Variants in CNOT6 observed in about 807,000 individuals in gnomAD.
CNOT6 encodes the protein CCR4-NOT transcription complex subunit 6, also known as carbon catabolite repression 4 protein.
In CNOT6, 12 loss-of-function variants were observed where a neutral mutation model predicts 61.2. The ratio of observed to expected loss-of-function variants is 0.20; its 90% CI spans 0.13 to 0.32. The LOEUF is 0.32. CNOT6 is among the 10% of genes least tolerant of loss of function. The pLI, the probability that CNOT6 is intolerant of heterozygous loss-of-function variation, is 1.00. For synonymous variants in CNOT6, 225 were observed against 240.6 expected (o/e 0.94, Z 0.60); for missense variants, 405 against 663.9 (o/e 0.61, Z 4.28).
chr5:180,498,852 C>T (rs917466142), intron 1 of CNOT6, among the ~76,000 whole-genome samples: 14 of 152,168 alleles, frequency 9.2e-5, no homozygotes, highest in African/African-American at 2.2e-4. Context: ...TGCGGTGGCG[C>T]GATCTCGGCC....
intron 2 of CNOT6, among the ~76,000 whole-genome samples, chr5:180,542,123 C>G (rs1159226514): frequency 6.6e-6 from 1 of 152,140 alleles, no homozygotes; most frequent in Non-Finnish European, 1.5e-5. Flanking sequence ...CCTTAAGAGT[C>G]TCTCGCCATT....
chr5:180,558,533 C>T (rs981142710), intron 4 of CNOT6, among the ~76,000 whole-genome samples: 2 of 149,314 alleles, frequency 1.3e-5, no homozygotes, highest in Admixed American at 6.6e-5. Flanking sequence ...AAAAAACCTG[C>T]TATTGCTTTT....
intron 2 of CNOT6, among the ~76,000 whole-genome samples, chr5:180,531,368 G>A (rs955558042): frequency 1.3e-5 from 2 of 151,040 alleles, no homozygotes; most frequent in Non-Finnish European, 3.0e-5. Flanking sequence ...GGGCAGAGGC[G>A]CTCCTCACAT....
intron 3 of CNOT6, among the ~76,000 whole-genome samples, chr5:180,551,598 A>T (rs979039577): frequency 6.6e-6 from 1 of 152,174 alleles, no homozygotes; most frequent in East Asian, 1.9e-4. Flanking sequence ...AACCAAGTTA[A>T]TATAAAGCTA....
intron 4 of CNOT6, among the ~76,000 whole-genome samples, chr5:180,560,701 A>G (rs1359223203): frequency 6.6e-6 from 1 of 151,840 alleles, no homozygotes; most frequent in Non-Finnish European, 1.5e-5. Flanking sequence ...CTTGCTGTGG[A>G]TTCCTTTGGG....
intron 2 of CNOT6, among the ~76,000 whole-genome samples, chr5:180,531,534 C>T (rs1410709694): frequency 1.4e-5 from 2 of 144,906 alleles, no homozygotes; most frequent in Non-Finnish European, 3.1e-5. Context: ...CCTCACATCC[C>T]AGACGATGGG....
At chr5:180,549,845 TA>T in intron 2 of CNOT6, 85 bp from the exon 3 acceptor site, 2 of 1,044,106 alleles carry the variant, frequency 1.9e-6, no homozygotes, top group Non-Finnish European at 2.8e-6. Flanking sequence ...AAGTTACTCA[TA>T]AAAACATCTA....
At chr5:180,568,051 T>C in intron 9 of CNOT6, 48 bp downstream of exon 9, 3 of 1,515,640 alleles carry the variant, frequency 2.0e-6, no homozygotes, top group Non-Finnish European at 2.7e-6. Context: ...TGACTAGACA[T>C]CTTCAAAAGA....
intron 11 of CNOT6, among the ~76,000 whole-genome samples, chr5:180,571,928 G>A: frequency 6.6e-6 from 1 of 150,888 alleles, no homozygotes; most frequent in Non-Finnish European, 1.5e-5. Context: ...TTACTTTGTA[G>A]ATATTTATTC....
intron 4 of CNOT6, among the ~76,000 whole-genome samples, chr5:180,562,285 A>G (rs891757196): frequency 6.6e-6 from 1 of 152,168 alleles, no homozygotes; most frequent in Admixed American, 6.5e-5. Context: ...AATAGGGAAA[A>G]GTGTTTTTAC....
chr5:180,514,095 T>C (rs910248071), intron 1 of CNOT6, among the ~76,000 whole-genome samples: 10 of 152,072 alleles, frequency 6.6e-5, no homozygotes, highest in African/African-American at 2.4e-4. Flanking sequence ...CCAAATGTGC[T>C]GGGATTACAG....
At chr5:180,527,765 C>G (rs989369428) in intron 1 of CNOT6, among the ~76,000 whole-genome samples, 2 of 152,174 alleles carry the variant, frequency 1.3e-5, no homozygotes, top group Non-Finnish European at 2.9e-5. Context: ...GTTCTCAACC[C>G]TGGTACTCGT....
chr5:180,568,866 A>G (rs1219332108), intron 9 of CNOT6, among the ~76,000 whole-genome samples: 1 of 152,224 alleles, frequency 6.6e-6, no homozygotes, highest in Non-Finnish European at 1.5e-5. Flanking sequence ...TTTAAAAATC[A>G]AGCTGTCCCA....
intron 2 of CNOT6, among the ~76,000 whole-genome samples, chr5:180,532,052 A>G (rs541996746): frequency 6.6e-6 from 1 of 152,310 alleles, no homozygotes; most frequent in Non-Finnish European, 1.5e-5. Flanking sequence ...AGTTCAGCTC[A>G]GTAAGTAGGT....
At chr5:180,561,700 G>A (rs748956070) in intron 4 of CNOT6, among the ~76,000 whole-genome samples, 2 of 152,156 alleles carry the variant, frequency 1.3e-5, no homozygotes, top group Non-Finnish European at 2.9e-5. Flanking sequence ...CTTGGCCTTC[G>A]CTGACACCTG....
At chr5:180,565,277 C>G (rs2127761716) in intron 6 of CNOT6, among the ~76,000 whole-genome samples, 2 of 152,306 alleles carry the variant, frequency 1.3e-5, no homozygotes, top group South Asian at 4.1e-4. Flanking sequence ...AGAGCCAAAC[C>G]CTTACTTAGA....
intron 2 of CNOT6, among the ~76,000 whole-genome samples, chr5:180,539,803 A>G (rs925498856): frequency 6.6e-6 from 1 of 151,708 alleles, no homozygotes; most frequent in African/African-American, 2.4e-5. Context: ...GTTAGCCAGG[A>G]TGGTCTCCAT....
At chr5:180,495,296 G>A (rs988741255) in intron 1 of CNOT6, 1 of 152,266 alleles carries the variant, frequency 6.6e-6, no homozygotes, top group African/African-American at 2.4e-5. Flanking sequence ...ACAGGTTAAA[G>A]AAGCACTTGG....
chr5:180,502,264 T>C (rs933258822), intron 1 of CNOT6, among the ~76,000 whole-genome samples: 1 of 152,230 alleles, frequency 6.6e-6, no homozygotes, highest in African/African-American at 2.4e-5. Context: ...CCTGCGGAAT[T>C]TTATGTGATT....
Sources: allele counts gnomAD v4.1 joint callset (sites outside exome capture counted in the v4.1 genomes callset), GRCh38; gene constraint gnomAD v4.1.1; transcripts MANE v1.5; gene names NCBI Gene and HGNC (gene_info 2026-07-23, HGNC 2026-07-21).